The following LIMK2 variants were observed in gnomAD, a reference collection of about 807,000 sequenced individuals.
The protein encoded by LIMK2 is LIM domain kinase 2.
LIMK2 carries 35 observed loss-of-function variants against 75.7 expected under a neutral mutation model. The ratio of observed to expected loss-of-function variants is 0.46; its 90% CI spans 0.35 to 0.61. The LOEUF (loss-of-function observed/expected upper bound fraction) is 0.61, where lower values mean the gene tolerates loss of function less well. LIMK2 is among the 20% of genes least tolerant of loss of function. LIMK2 has a pLI of 0.00. For missense variants in LIMK2, 623 were observed against 831.0 expected, an observed-to-expected ratio of 0.75 and a Z score of 3.08; for synonymous variants, 301 against 319.2, an observed-to-expected ratio of 0.94 and a Z score of 0.61.
chr22:31,248,507 T>G (rs2048692377), intron 2 of LIMK2: 17 of 1,556,346 alleles, frequency 1.1e-5, no homozygotes, highest in Non-Finnish European at 1.5e-5. Flanking sequence ...ATCCCAGCCA[T>G]GAGCCCCTGT....
chr22:31,248,675 A>G (rs766149569), intron 2 of LIMK2: 3 of 1,613,930 alleles, frequency 1.9e-6, no homozygotes, highest in Non-Finnish European at 1.7e-6. Context: ...GCAGTCACAG[A>G]CGGATTTGCA....
intron 2 of LIMK2, among the ~76,000 whole-genome samples, chr22:31,236,060 C>T (rs780598766): frequency 6.6e-6 from 1 of 152,026 alleles, no homozygotes; most frequent in Non-Finnish European, 1.5e-5. Context: ...TTTGGGAGGC[C>T]GAGGTGGGCA....
In LIMK2 at chr22:31,261,488, G is replaced by A. The variant is rs560039918; in HGVS notation, c.552-646G>A. ...ATGAACCTAGGAGGCGGAGCTTGCT[G>A]TGAGCAGAGATCACGCCACTGCACT... is the stretch of plus-strand genomic sequence containing the variant. On this transcript the variant is annotated intron_variant, in intron 5 of 15. Transcript: ENST00000331728. 1.4e-4 allele frequency among the ~76,000 whole-genome samples: 21 copies of A among 151,060 alleles called. 1 individual carries two copies. Among genetic ancestry groups the A allele is most frequent in the Admixed American group, 1.1e-3 (16 of 15,116 alleles).
intron 11 of LIMK2, among the ~76,000 whole-genome samples, chr22:31,270,353 A>G (rs1254678314): frequency 1.3e-5 from 2 of 152,220 alleles, no homozygotes; most frequent in East Asian, 3.8e-4. Flanking sequence ...AGTTGTGGAC[A>G]GTCTTTGAGG....
intron 2 of LIMK2, among the ~76,000 whole-genome samples, chr22:31,239,014 A>G (rs2048602931): frequency 6.6e-6 from 1 of 152,224 alleles, no homozygotes; most frequent in South Asian, 2.1e-4. Context: ...AAGGGGTTGC[A>G]ATTCCATGCT....
chr22:31,269,090 A>G (rs2048928019), intron 11 of LIMK2, among the ~76,000 whole-genome samples: 1 of 151,194 alleles, frequency 6.6e-6, no homozygotes, highest in South Asian at 2.1e-4. Context: ...TGGGGCTTGA[A>G]TCAGGAAGGA....
At chr22:31,244,739 T>G (rs1346635496) in intron 2 of LIMK2, among the ~76,000 whole-genome samples, 2 of 152,178 alleles carry the variant, frequency 1.3e-5, no homozygotes, top group African/African-American at 4.8e-5. Flanking sequence ...ACAATAGTCT[T>G]AATGATATTA....
chr22:31,237,659 A>C (rs1031002572), intron 2 of LIMK2, among the ~76,000 whole-genome samples: 1 of 152,180 alleles, frequency 6.6e-6, no homozygotes, highest in African/African-American at 2.4e-5. Context: ...AGCACTGGGA[A>C]CACTATTCAC....
chr22:31,237,827 G>A (rs1234312770), intron 2 of LIMK2, among the ~76,000 whole-genome samples: 2 of 151,476 alleles, frequency 1.3e-5, no homozygotes, highest in Non-Finnish European at 2.9e-5. Context: ...ATATAAGGCC[G>A]AGCGCAGTGG....
At chr22:31,223,969 G>T (rs1229800110) in intron 1 of LIMK2, among the ~76,000 whole-genome samples, 1 of 152,206 alleles carries the variant, frequency 6.6e-6, no homozygotes, top group Admixed American at 6.5e-5. Context: ...GAGCAATCTT[G>T]AAGTGCCAGG....
chr22:31,257,064 T>TTTTTTTTTTTTTTTTTTTTTTTTTG (rs2048791181), intron 2 of LIMK2, among the ~76,000 whole-genome samples: 1 of 107,486 alleles, frequency 9.3e-6, no homozygotes, highest in East Asian at 2.2e-4. Context: ...TTTTTTTTTT[T>TTTTTTTTTTTTTTTTTTTTTTTTTG]TTTTTTTTTT....
Position 31,267,837 on chromosome 22 carries a change from A to G in LIMK2, c.1190A>G (p.Lys397Arg), listed in dbSNP as rs1304630427. 6.2e-7 allele frequency: 1 copy of G among 1,613,258 alleles called. No individual in the cohort carries two copies. The highest frequency in any genetic ancestry group is 1.7e-5 in the Admixed American group (1 of 59,848). ...NVLKFIGVLYKDKKLNLLTEY... is the reference protein window; with the variant it reads ...NVLKFIGVLYRDKKLNLLTEY... ...CTCAAGTTCATTGGTGTGCTGTACA[A>G]GGATAAGAAGCTGAACCTCCTGACA... Residue 397 changes from lysine to arginine, a missense_variant, in exon 10 of 16, where the codon AAG becomes AGG. Physicochemically the swap from Lys to Arg is conservative, Grantham distance 26. Transcript: ENST00000331728.
intron 10 of LIMK2, 43 bp from the exon 11 acceptor site, chr22:31,268,101 G>A: frequency 1.3e-6 from 2 of 1,593,450 alleles, no homozygotes; most frequent in Non-Finnish European, 1.7e-6. Context: ...CCACGAGTGG[G>A]ACAGGGCTCA....
chr22:31,244,927 CT>C (rs2123806607), intron 2 of LIMK2, among the ~76,000 whole-genome samples: 1 of 152,350 alleles, frequency 6.6e-6, no homozygotes, highest in African/African-American at 2.4e-5. Flanking sequence ...GGCTTCACTT[CT>C]CACATTTACA....
intron 1 of LIMK2, among the ~76,000 whole-genome samples, chr22:31,217,678 T>C (rs2048399805): frequency 6.6e-6 from 1 of 152,220 alleles, no homozygotes; most frequent in Non-Finnish European, 1.5e-5. Flanking sequence ...AGTTCTCTGA[T>C]AAAGATATTT....
chr22:31,277,394 A>T, intron 15 of LIMK2: 3 of 1,242,584 alleles, frequency 2.4e-6, no homozygotes, highest in Non-Finnish European at 3.0e-6. Flanking sequence ...AAAGCGAGGT[A>T]GGGTACGCCT....
chr22:31,237,803 T>C (rs2048591991), intron 2 of LIMK2, among the ~76,000 whole-genome samples: 1 of 151,836 alleles, frequency 6.6e-6, no homozygotes, highest in Non-Finnish European at 1.5e-5. Context: ...AATTAAAACT[T>C]AGTTTAAAAA....
intron 2 of LIMK2, among the ~76,000 whole-genome samples, chr22:31,240,214 T>G (rs2048612917): frequency 6.6e-6 from 1 of 152,192 alleles, no homozygotes; most frequent in South Asian, 2.1e-4. Context: ...TTTTCTTTTG[T>G]GTGTCAGCTG....
At chr22:31,276,793 C>G (rs1472226720) in intron 15 of LIMK2, 3 of 1,608,416 alleles carry the variant, frequency 1.9e-6, no homozygotes, top group Admixed American at 1.7e-5. Context: ...TTTCAGAGCC[C>G]CCCCCGGGGC....
Sources: allele counts gnomAD v4.1 joint callset (sites outside exome capture counted in the v4.1 genomes callset), GRCh38; gene constraint gnomAD v4.1.1; transcripts MANE v1.5; gene names NCBI Gene and HGNC (gene_info 2026-07-23, HGNC 2026-07-21).